DAW1: variants seen among roughly 807,000 people sequenced by gnomAD.
DAW1 encodes the protein dynein assembly factor with WD repeat domains 1.
DAW1 carries 47 observed loss-of-function variants against 56.5 expected under a neutral mutation model. The observed-to-expected ratio is 0.83, with a 90% CI of 0.66 to 1.06. The LOEUF is 1.06. Among genes scored for constraint, DAW1 ranks in the 50% least tolerant of loss-of-function variants. The pLI, the probability that DAW1 is intolerant of heterozygous loss-of-function variation, is 0.00. For missense variants in DAW1, 505 were observed against 499.3 expected (o/e 1.01, Z -0.11); for synonymous variants, 190 against 179.0 (o/e 1.06, Z -0.49).
chr2:227,921,326 T>G, intron 11 of DAW1, 73 bp from the exon 12 acceptor site: 1 of 753,488 alleles, frequency 1.3e-6, no homozygotes, highest in East Asian at 4.2e-5. Context: ...TTTTTTTTTT[T>G]TTTTTTTGCT....
chr2:227,917,287 G>A (rs919062706), intron 10 of DAW1, among the ~76,000 whole-genome samples: 11 of 147,566 alleles, frequency 7.5e-5, no homozygotes, highest in Non-Finnish European at 1.3e-4. Context: ...TTTAGATGGA[G>A]TCTTGCTCTT....
chr2:227,877,167 C>T (rs938345704), intron 1 of DAW1, among the ~76,000 whole-genome samples: 5 of 152,156 alleles, frequency 3.3e-5, no homozygotes, highest in Admixed American at 2.0e-4. Flanking sequence ...GTATTTCTGG[C>T]AGCATCTTTG....
At chr2:227,888,837 A>G (rs536420010) in intron 2 of DAW1, among the ~76,000 whole-genome samples, 1 of 152,294 alleles carries the variant, frequency 6.6e-6, no homozygotes, top group East Asian at 1.9e-4. Flanking sequence ...ATTTCTATGA[A>G]TTATTTGAAT....
chr2:227,884,611 G>A (rs1053302301), intron 1 of DAW1, among the ~76,000 whole-genome samples: 3 of 152,284 alleles, frequency 2.0e-5, no homozygotes, highest in African/African-American at 7.2e-5. Context: ...CCTGCAGGGC[G>A]CAGAAGGTAC....
chr2:227,888,773 CA>C (rs1342964089), intron 2 of DAW1, among the ~76,000 whole-genome samples: 1 of 152,182 alleles, frequency 6.6e-6, no homozygotes, highest in East Asian at 1.9e-4. Context: ...GGTGTATATA[CA>C]TTGATACCTT....
At chr2:227,896,815 C>G (rs1238081551) in intron 5 of DAW1, among the ~76,000 whole-genome samples, 1 of 151,560 alleles carries the variant, frequency 6.6e-6, no homozygotes, top group Non-Finnish European at 1.5e-5. Flanking sequence ...AGATATCAGT[C>G]AAGAAACAAC....
intron 2 of DAW1, among the ~76,000 whole-genome samples, chr2:227,886,095 C>CAGTG (rs2106191350): frequency 6.6e-6 from 1 of 151,614 alleles, no homozygotes; most frequent in Non-Finnish European, 1.5e-5. Flanking sequence ...TGTGCCCAAC[C>CAGTG]AGTGACCTTT....
At chr2:227,898,122 G>T (rs1691456796) in intron 5 of DAW1, 60 bp from the exon 6 acceptor site, 2 of 1,146,706 alleles carry the variant, frequency 1.7e-6, no homozygotes, top group Non-Finnish European at 2.4e-6. Context: ...TCTCATCTTA[G>T]TTCAGTTTAT....
intron 10 of DAW1, among the ~76,000 whole-genome samples, chr2:227,911,840 G>A (rs895819875): frequency 6.6e-6 from 1 of 152,084 alleles, no homozygotes; most frequent in African/African-American, 2.4e-5. Flanking sequence ...CACATGTGAT[G>A]CTATCTTATC....
At chr2:227,899,617 A>T (rs114164321) in intron 6 of DAW1, among the ~76,000 whole-genome samples, 303 of 152,372 alleles carry the variant, frequency 2.0e-3, no homozygotes, top group African/African-American at 6.9e-3. Context: ...ACAAAGAGTG[A>T]CAGGTCTTTT....
At chr2:227,889,800 G>C in intron 2 of DAW1, 56 bp from the exon 3 acceptor site, 2 of 1,442,730 alleles carry the variant, frequency 1.4e-6, no homozygotes, top group Non-Finnish European at 1.9e-6. Flanking sequence ...ATGTAATATA[G>C]GTATATGCAA....
chr2:227,872,297 A>AAAAAAAAAAAAAAAAAAAAAAAG (rs1553600898), intron 1 of DAW1: 1 of 131,466 alleles, frequency 7.6e-6, no homozygotes, highest in South Asian at 2.4e-4. Flanking sequence ...AAAAAAGAAA[A>AAAAAAAAAAAAAAAAAAAAAAAG]AAAAGAAAAA....
intron 2 of DAW1, chr2:227,887,807 G>C (rs1691167264): frequency 6.6e-6 from 1 of 152,158 alleles, no homozygotes; most frequent in African/African-American, 2.4e-5. Flanking sequence ...TCTCAAAAAA[G>C]TGTGAATTTT....
At chr2:227,885,537 TC>T in intron 2 of DAW1, 114 bp downstream of exon 2, 1 of 690,024 alleles carries the variant, frequency 1.4e-6, no homozygotes, top group East Asian at 3.1e-5. Context: ...TAAAAATTGT[TC>T]TTCTGTGGTG....
Position 227,918,865 on chromosome 2 carries a change from C to T in DAW1, c.1050+9C>T, listed in dbSNP as rs1271294947. On this transcript the variant is annotated intron_variant, in intron 11 of 12. Coordinates refer to ENST00000309931, the MANE Select transcript of DAW1 (RefSeq NM_178821.3). ...AAGGTGAAATTTCAAAGGTGAGTCGCTTTCTCATTTGGAGGAGTTTATTTA... is the reference window on the plus strand; with the variant it reads ...AAGGTGAAATTTCAAAGGTGAGTCGTTTTCTCATTTGGAGGAGTTTATTTA... The T allele has an allele frequency of 3.1e-6, 5 of 1,613,684 alleles. No individual in the cohort carries two copies. In the Admixed American group the frequency reaches 5.0e-5, roughly 16 times the overall value.
At chr2:227,923,561 T>C (rs112846917) in intron 12 of DAW1, among the ~76,000 whole-genome samples, 28 of 152,246 alleles carry the variant, frequency 1.8e-4, no homozygotes, top group African/African-American at 6.5e-4. Flanking sequence ...AAGCTTATCA[T>C]CCAAACCTGG....
At chr2:227,911,381 TTA>T (rs1161932164) in intron 10 of DAW1, among the ~76,000 whole-genome samples, 3 of 147,972 alleles carry the variant, frequency 2.0e-5, no homozygotes, top group Non-Finnish European at 3.0e-5. Context: ...ATTATATATA[TTA>T]TATATATATT....
At chr2:227,896,057 G>A (rs1320544013) in intron 5 of DAW1, among the ~76,000 whole-genome samples, 1 of 152,042 alleles carries the variant, frequency 6.6e-6, no homozygotes, top group Non-Finnish European at 1.5e-5. Context: ...TAGAAATGTA[G>A]TACCCTTTCA....
intron 3 of DAW1, 45 bp downstream of exon 3, chr2:227,890,045 G>T (rs1378958693): frequency 1.4e-6 from 2 of 1,452,540 alleles, no homozygotes; most frequent in South Asian, 1.5e-5. Flanking sequence ...TCAGTGAAAT[G>T]ATTGATATTT....
Sources: allele counts gnomAD v4.1 joint callset (sites outside exome capture counted in the v4.1 genomes callset), GRCh38; gene constraint gnomAD v4.1.1; transcripts MANE v1.5; gene names NCBI Gene and HGNC (gene_info 2026-07-23, HGNC 2026-07-21).